Variants in CIB4 observed in about 807,000 individuals in gnomAD.
The protein encoded by CIB4 is calcium and integrin binding family member 4.
CIB4 carries 25 observed loss-of-function variants against 25.8 expected under a neutral mutation model. The observed-to-expected ratio is 0.97, with a 90% CI of 0.71 to 1.35. The LOEUF is 1.35. Ranked by LOEUF, CIB4 falls within the 40% of genes most tolerant of loss-of-function variation. CIB4 has a pLI of 0.00. For synonymous variants in CIB4, 75 were observed against 81.4 expected (o/e 0.92, Z 0.42); for missense variants, 235 against 228.2 (o/e 1.03, Z -0.19).
intron 4 of CIB4, among the ~76,000 whole-genome samples, chr2:26,586,722 A>T (rs1020491114): frequency 6.6e-6 from 1 of 152,030 alleles, no homozygotes; most frequent in East Asian, 1.9e-4. Context: ...GCTCTTAACT[A>T]CCCCTAACTG....
chr2:26,633,068 C>T (rs1328064508), intron 2 of CIB4, among the ~76,000 whole-genome samples: 1 of 152,006 alleles, frequency 6.6e-6, no homozygotes, highest in Non-Finnish European at 1.5e-5. Flanking sequence ...AAGGAAGGGA[C>T]CATTGTTTCT....
At chr2:26,616,697 C>T (rs541580209) in intron 3 of CIB4, among the ~76,000 whole-genome samples, 1 of 152,330 alleles carries the variant, frequency 6.6e-6, no homozygotes, top group South Asian at 2.1e-4. Context: ...TCTCAGCCAT[C>T]AACCACCCCG....
At chr2:26,611,670 A>G (rs1558565451) in intron 3 of CIB4, among the ~76,000 whole-genome samples, 1 of 152,254 alleles carries the variant, frequency 6.6e-6, no homozygotes, top group African/African-American at 2.4e-5. Flanking sequence ...GAAAAATAAT[A>G]GATGAGGGTG....
At chr2:26,595,995 A>G (rs1001426990) in intron 3 of CIB4, among the ~76,000 whole-genome samples, 4 of 152,244 alleles carry the variant, frequency 2.6e-5, no homozygotes, top group African/African-American at 9.6e-5. Context: ...CACGAATAGT[A>G]CCTATGACAC....
intron 3 of CIB4, among the ~76,000 whole-genome samples, chr2:26,600,781 C>T (rs940958858): frequency 6.6e-6 from 1 of 152,134 alleles, no homozygotes; most frequent in Non-Finnish European, 1.5e-5. Context: ...CCAAATTGAT[C>T]CATAAAGTTA....
chr2:26,637,266 C>T (rs57287016), intron 2 of CIB4, among the ~76,000 whole-genome samples: 35 of 152,168 alleles, frequency 2.3e-4, no homozygotes, highest in Admixed American at 6.5e-4. Context: ...AGCCTTTCTG[C>T]GTTCTCGATT....
At chr2:26,581,499 G>A (rs962429789) in intron 6 of CIB4, 106 bp from the exon 7 acceptor site, 15 of 1,122,394 alleles carry the variant, frequency 1.3e-5, no homozygotes, top group East Asian at 9.6e-5. Flanking sequence ...CCTGCATCTC[G>A]TGTCCCTTTC....
At chr2:26,598,948 G>A (rs748939963) in intron 3 of CIB4, among the ~76,000 whole-genome samples, 6 of 151,884 alleles carry the variant, frequency 4.0e-5, no homozygotes, top group Non-Finnish European at 7.3e-5. Context: ...CAGCCAAGAA[G>A]GGGAAGCTGA....
intron 4 of CIB4, among the ~76,000 whole-genome samples, chr2:26,589,099 T>C (rs201946169): frequency 0.21 from 15,736 of 74,678 alleles, 4,272 homozygotes; most frequent in Non-Finnish European, 0.26. Context: ...CTTCTTCTTC[T>C]TCTTCTTCCT....
chr2:26,620,899 G>A (rs1328686073), intron 3 of CIB4, among the ~76,000 whole-genome samples: 2 of 152,090 alleles, frequency 1.3e-5, no homozygotes, highest in Non-Finnish European at 2.9e-5. Flanking sequence ...ACGCATGATG[G>A]CAGAAGTGAA....
In CIB4 at chr2:26,601,604, G is replaced by A. The variant is rs111598786; in HGVS notation, c.187-6287C>T. On this transcript the variant is annotated intron_variant, in intron 3 of 6. Transcript: ENST00000288861. ...CACAGGAGGATATCTTCATAATCTCGGGGGCAAAGACTGTTTAACAATATA... is the reference window on the plus strand; with the variant it reads ...CACAGGAGGATATCTTCATAATCTCAGGGGCAAAGACTGTTTAACAATATA... Among the ~76,000 whole-genome samples the A allele has an allele frequency of 6.0e-3, 914 of 151,850 alleles. 14 individuals are homozygous for A. Among genetic ancestry groups the A allele is most frequent in the African/African-American group, 0.021 (857 of 41,372 alleles).
At chr2:26,629,746 G>C (rs1247676844) in intron 2 of CIB4, among the ~76,000 whole-genome samples, 1 of 152,210 alleles carries the variant, frequency 6.6e-6, no homozygotes, top group Non-Finnish European at 1.5e-5. Context: ...CACCATAGAG[G>C]ATGCAGAGAT....
chr2:26,589,060 C>CTCTTCCTCTTCTTCTTCTTCTTCT, intron 4 of CIB4, among the ~76,000 whole-genome samples: 1 of 36,498 alleles, frequency 2.7e-5, no homozygotes, highest in East Asian at 9.7e-4. Flanking sequence ...CTTCTTCTTC[C>CTCTTCCTCTTCTTCTTCTTCTTCT]TCTTCCTCTT....
At chr2:26,606,454 A>C (rs1004114550) in intron 3 of CIB4, among the ~76,000 whole-genome samples, 2 of 152,184 alleles carry the variant, frequency 1.3e-5, no homozygotes, top group Admixed American at 1.3e-4. Context: ...AAAGCTGTTC[A>C]GGGGAATGAG....
chr2:26,588,790 T>A (rs905494784), intron 4 of CIB4, among the ~76,000 whole-genome samples: 7 of 152,132 alleles, frequency 4.6e-5, no homozygotes, highest in African/African-American at 1.7e-4. Context: ...GCTGTGCTGA[T>A]GGGAGCAGGA....
At chr2:26,590,638 CA>C (rs1668572075) in intron 4 of CIB4, among the ~76,000 whole-genome samples, 1 of 152,294 alleles carries the variant, frequency 6.6e-6, no homozygotes, top group South Asian at 2.1e-4. Context: ...ACTTACTACG[CA>C]GGCTCAGGAT....
intron 3 of CIB4, 40 bp from the exon 4 acceptor site, chr2:26,595,357 G>A (rs1668663342): frequency 6.3e-7 from 1 of 1,595,186 alleles, no homozygotes; most frequent in African/African-American, 1.3e-5. Flanking sequence ...GTCTATCAGG[G>A]TCGGGGCTGT....
chr2:26,616,366 TG>T (rs1427627613), intron 3 of CIB4, among the ~76,000 whole-genome samples: 1 of 152,164 alleles, frequency 6.6e-6, no homozygotes, highest in Non-Finnish European at 1.5e-5. Context: ...CCCAATGTAA[TG>T]AAAGGCTTGG....
intron 2 of CIB4, among the ~76,000 whole-genome samples, chr2:26,631,346 G>A (rs749427944): frequency 2.0e-5 from 3 of 152,142 alleles, no homozygotes; most frequent in East Asian, 3.9e-4. Context: ...ATACTGGCAC[G>A]CACCTATAGT....
Sources: gnomAD v4.1 joint callset for allele counts (sites outside exome capture counted in the v4.1 genomes callset) on GRCh38, gnomAD v4.1.1 for gene constraint, MANE v1.5 for transcripts, NCBI Gene and HGNC (gene_info 2026-07-23, HGNC 2026-07-21) for gene names.